FGGY: variants seen among roughly 807,000 people sequenced by gnomAD.
FGGY encodes FGGY carbohydrate kinase domain containing.
In FGGY, 72 loss-of-function variants were observed where a neutral mutation model predicts 71.3. The observed-to-expected ratio is 1.01, with a 90% CI of 0.84 to 1.23. The LOEUF (loss-of-function observed/expected upper bound fraction) is 1.23, where lower values mean the gene tolerates loss of function less well. FGGY is among the 50% of genes most tolerant of loss of function. The pLI, the probability that FGGY is intolerant of heterozygous loss-of-function variation, is 0.00. For synonymous variants in FGGY, 251 were observed against 250.3 expected, an observed-to-expected ratio of 1.00 and a Z score of -0.02; for missense variants, 668 against 682.3, an observed-to-expected ratio of 0.98 and a Z score of 0.23.
intron 5 of FGGY, among the ~76,000 whole-genome samples, chr1:59,442,408 T>A (rs1014208919): frequency 6.6e-6 from 1 of 152,054 alleles, no homozygotes; most frequent in Non-Finnish European, 1.5e-5. Context: ...AAGGCCATTT[T>A]CCTGTTTGTT....
intron 7 of FGGY, among the ~76,000 whole-genome samples, chr1:59,519,702 G>A (rs562972527): frequency 6.6e-6 from 1 of 152,256 alleles, no homozygotes; most frequent in East Asian, 1.9e-4. Context: ...TGTCCTATGT[G>A]CCAAGTACTC....
intron 13 of FGGY, among the ~76,000 whole-genome samples, chr1:59,670,071 A>C (rs1225970353): frequency 2.6e-5 from 4 of 152,246 alleles, no homozygotes; most frequent in Non-Finnish European, 5.9e-5. Context: ...AGTTCCAGAC[A>C]AAGAGACCTT....
At chr1:59,747,464 A>C (rs2098209966) in intron 14 of FGGY, among the ~76,000 whole-genome samples, 1 of 152,182 alleles carries the variant, frequency 6.6e-6, no homozygotes, top group African/African-American at 2.4e-5. Flanking sequence ...TCTCTGTCGG[A>C]GTGTGCTGAG....
At chr1:59,375,660 C>T (rs539167272) in intron 4 of FGGY, among the ~76,000 whole-genome samples, 2 of 152,240 alleles carry the variant, frequency 1.3e-5, no homozygotes, top group South Asian at 2.1e-4. Context: ...GGACTGGGAT[C>T]TCCAGCTTTG....
chr1:59,474,560 C>T (rs2093165502), intron 6 of FGGY, among the ~76,000 whole-genome samples: 1 of 152,186 alleles, frequency 6.6e-6, no homozygotes, highest in Non-Finnish European at 1.5e-5. Context: ...TTTAGCCAAT[C>T]TGGATACTGA....
intron 9 of FGGY, among the ~76,000 whole-genome samples, chr1:59,611,279 A>G (rs552596384): frequency 6.6e-6 from 1 of 152,172 alleles, no homozygotes; most frequent in Non-Finnish European, 1.5e-5. Flanking sequence ...GGGCCGACTG[A>G]CACCTCATAC....
intron 5 of FGGY, among the ~76,000 whole-genome samples, chr1:59,397,995 C>T (rs893793596): frequency 2.6e-5 from 4 of 152,128 alleles, no homozygotes; most frequent in Non-Finnish European, 5.9e-5. Context: ...TTTTCAAGAA[C>T]ACATCTAAAG....
At chr1:59,586,768 A>G (rs2096296948) in intron 8 of FGGY, among the ~76,000 whole-genome samples, 1 of 152,246 alleles carries the variant, frequency 6.6e-6, no homozygotes, top group African/African-American at 2.4e-5. Context: ...GAATGAGGTG[A>G]CACATTGAAG....
chr1:59,648,666 T>G (rs1449102221), intron 11 of FGGY, among the ~76,000 whole-genome samples: 2 of 150,586 alleles, frequency 1.3e-5, no homozygotes, highest in Non-Finnish European at 2.9e-5. Flanking sequence ...GTCAGATGAG[T>G]AGGTTGCGAA....
chr1:59,662,335 AG>A (rs199689985), intron 12 of FGGY, among the ~76,000 whole-genome samples: 5,128 of 138,304 alleles, frequency 0.037, 292 homozygotes, highest in African/African-American at 0.15. Context: ...AAAAAAAAAA[AG>A]AGAGAGATTT....
chr1:59,427,556 G>A (rs1399792212), intron 5 of FGGY, among the ~76,000 whole-genome samples: 1 of 152,298 alleles, frequency 6.6e-6, no homozygotes, highest in East Asian at 1.9e-4. Flanking sequence ...CTGAGAACCA[G>A]AGTTCTCCAG....
At chr1:59,752,959 AAAG>A (rs1271877408) in intron 14 of FGGY, among the ~76,000 whole-genome samples, 4 of 152,254 alleles carry the variant, frequency 2.6e-5, no homozygotes, top group South Asian at 2.1e-4. Flanking sequence ...GAGAGAAAGA[AAAG>A]AAGTGATTAA....
At position 59,371,418 on chromosome 1, in the gene FGGY, A is replaced by T. The variant is rs565818113; in HGVS notation, c.466-7331A>T. ...CCAGATTCATAAAGCAAGTCCTTAGAGAACTACAAAGAGACTTAGACTCCC... is the reference window on the plus strand; with the variant it reads ...CCAGATTCATAAAGCAAGTCCTTAGTGAACTACAAAGAGACTTAGACTCCC... On this transcript the variant is annotated intron_variant, in intron 4 of 15. Coordinates refer to ENST00000303721, the MANE Select transcript of FGGY (RefSeq NM_018291.5). 7.5e-3 allele frequency among the ~76,000 whole-genome samples: 1,140 copies of T among 151,670 alleles called. 16 individuals are homozygous for T. Among genetic ancestry groups the T allele is most frequent in the African/African-American group, 0.026 (1,070 of 40,924 alleles).
At chr1:59,733,461 G>GTTTT (rs139679887) in intron 14 of FGGY, among the ~76,000 whole-genome samples, 47,921 of 144,362 alleles carry the variant, frequency 0.33, 8,530 homozygotes, top group South Asian at 0.42. Context: ...GTTTTGTTTT[G>GTTTT]TTTTTTTGTT....
intron 5 of FGGY, among the ~76,000 whole-genome samples, chr1:59,447,953 A>G (rs1258120820): frequency 2.0e-5 from 3 of 152,156 alleles, no homozygotes; most frequent in Admixed American, 2.0e-4. Context: ...GGATCTAATT[A>G]CTTCCTAAAC....
At chr1:59,486,775 A>G (rs948750011) in intron 6 of FGGY, among the ~76,000 whole-genome samples, 1 of 152,152 alleles carries the variant, frequency 6.6e-6, no homozygotes, top group Non-Finnish European at 1.5e-5. Flanking sequence ...ATCCCATCAA[A>G]ATGGAGGATA....
chr1:59,598,816 C>G (rs1382565209), intron 8 of FGGY, among the ~76,000 whole-genome samples: 2 of 152,170 alleles, frequency 1.3e-5, no homozygotes, highest in Non-Finnish European at 2.9e-5. Flanking sequence ...ATGTTAGTGT[C>G]ATTGTCCTGT....
chr1:59,356,475 C>G (rs903785300), intron 4 of FGGY, among the ~76,000 whole-genome samples: 2 of 152,188 alleles, frequency 1.3e-5, no homozygotes, highest in Non-Finnish European at 2.9e-5. Flanking sequence ...GTCCTACACT[C>G]TGTCCCCTGT....
intron 5 of FGGY, among the ~76,000 whole-genome samples, chr1:59,419,902 C>T (rs960241366): frequency 3.3e-5 from 5 of 152,082 alleles, no homozygotes; most frequent in Admixed American, 2.0e-4. Context: ...TTGCAAACAA[C>T]TCTATGGTAA....
Sources: gnomAD v4.1 joint callset for allele counts (sites outside exome capture counted in the v4.1 genomes callset) on GRCh38, gnomAD v4.1.1 for gene constraint, MANE v1.5 for transcripts, NCBI Gene and HGNC (gene_info 2026-07-23, HGNC 2026-07-21) for gene names.